RUFY3: variants seen among roughly 807,000 people sequenced by gnomAD.
RUFY3 encodes RUN and FYVE domain containing 3.
RUFY3 carries 34 observed loss-of-function variants against 84.0 expected under a neutral mutation model. That is an observed-to-expected ratio of 0.40 (90% CI 0.31 to 0.54). The LOEUF (loss-of-function observed/expected upper bound fraction) is 0.54, where lower values mean the gene tolerates loss of function less well. Ranked by LOEUF, RUFY3 falls within the 20% of genes least tolerant of loss-of-function variation. RUFY3 has a pLI of 0.39. For synonymous variants in RUFY3, 242 were observed against 252.9 expected, an observed-to-expected ratio of 0.96 and a Z score of 0.41; for missense variants, 507 against 736.8, an observed-to-expected ratio of 0.69 and a Z score of 3.61.
intron 14 of RUFY3, among the ~76,000 whole-genome samples, chr4:70,795,839 AAAAG>A (rs1400364858): frequency 2.0e-5 from 3 of 152,218 alleles, no homozygotes; most frequent in African/African-American, 7.2e-5. Context: ...TTAGGAAACA[AAAAG>A]AAATCAGAGG....
In RUFY3 at chr4:70,722,466, G is replaced by A; in HGVS notation, c.-108G>A. The A allele has an allele frequency of 7.2e-7, 1 of 1,397,398 alleles. No homozygotes were observed. The highest frequency in any genetic ancestry group is 9.4e-7 in the Non-Finnish European group (1 of 1,069,426). The allele number at this position is 1,397,398 out of a possible 1,614,324, so 86.6% of individuals were successfully genotyped here. On this transcript the variant is annotated 5_prime_UTR_variant, in exon 1 of 18. Transcript: ENST00000381006. ...CCCTTTTCCTGAAAGCTTTGTTTCAGAGCTTTGTATTGGGTTTTTTTGGTG... is the reference window on the plus strand; with the variant it reads ...CCCTTTTCCTGAAAGCTTTGTTTCAAAGCTTTGTATTGGGTTTTTTTGGTG...
At chr4:70,750,831 A>G (rs1285154144) in intron 1 of RUFY3, among the ~76,000 whole-genome samples, 1 of 152,158 alleles carries the variant, frequency 6.6e-6, no homozygotes, top group Non-Finnish European at 1.5e-5. Context: ...TATATAAACA[A>G]AAATAAAATA....
At chr4:70,793,697 G>A in intron 12 of RUFY3, 88 bp from the exon 13 acceptor site, 2 of 1,605,094 alleles carry the variant, frequency 1.2e-6, no homozygotes, top group Non-Finnish European at 1.7e-6. Context: ...ATTCTTCCTT[G>A]GGTTATTTTA....
At chr4:70,717,460 T>C (rs1023492850), upstream of RUFY3, among the ~76,000 whole-genome samples, 5 of 152,088 alleles carry the variant, frequency 3.3e-5, no homozygotes, top group African/African-American at 1.2e-4. Flanking sequence ...TTGGGGGGCC[T>C]AGAGGAAGGT....
intron 1 of RUFY3, among the ~76,000 whole-genome samples, chr4:70,743,797 TA>T (rs202153207): frequency 0.01 from 1,541 of 147,540 alleles, 20 homozygotes; most frequent in African/African-American, 0.033. Flanking sequence ...GAAAAGTAGT[TA>T]AAAAAAAAAA....
At chr4:70,801,309 A>G (rs543486038) in intron 15 of RUFY3, among the ~76,000 whole-genome samples, 8 of 152,256 alleles carry the variant, frequency 5.3e-5, no homozygotes, top group African/African-American at 1.9e-4. Context: ...TGACCACACT[A>G]TAGACTAGAC....
intron 1 of RUFY3, among the ~76,000 whole-genome samples, chr4:70,760,893 C>T (rs941499634): frequency 2.6e-5 from 4 of 152,172 alleles, no homozygotes; most frequent in East Asian, 3.8e-4. Context: ...GTTGGAATTG[C>T]AAATCCGTAA....
intron 5 of RUFY3, among the ~76,000 whole-genome samples, chr4:70,770,399 A>C (rs184576160): frequency 2.7e-4 from 41 of 152,298 alleles, no homozygotes; most frequent in Non-Finnish European, 4.6e-4. Context: ...CAATTATCTT[A>C]ATTAGATCTT....
chr4:70,744,448 A>G (rs529972155), intron 1 of RUFY3, among the ~76,000 whole-genome samples: 3 of 151,416 alleles, frequency 2.0e-5, no homozygotes, highest in African/African-American at 4.8e-5. Flanking sequence ...CGATCCTCCC[A>G]CTTCAGCCTC....
chr4:70,705,546 T>A lies in RUFY3; in HGVS notation c.358+252T>A, dbSNP rs374169635. On this transcript the variant is annotated intron_variant, in intron 1 of 11. Coordinates refer to the RUFY3 transcript ENST00000417478. The stretch of plus-strand genomic sequence containing the variant: ...CCCAGGCCGCGGCTCCTGCCTGGCC[T>A]GGTCTCTCTCCCGTCTTGGGCTGGG... Among the ~76,000 whole-genome samples the A allele has an allele frequency of 7.2e-5, 11 of 152,004 alleles. No homozygotes were observed. In the East Asian group the frequency reaches 1.9e-3, roughly 27 times the overall value.
At chr4:70,802,841 C>G in intron 15 of RUFY3, 115 bp from the exon 16 acceptor site, 1 of 677,550 alleles carries the variant, frequency 1.5e-6, no homozygotes, top group Non-Finnish European at 2.5e-6. Flanking sequence ...TATAAAAGAC[C>G]TACAGTATTT....
At chr4:70,780,580 G>A (rs561576507) in intron 8 of RUFY3, among the ~76,000 whole-genome samples, 5 of 152,196 alleles carry the variant, frequency 3.3e-5, no homozygotes, top group Non-Finnish European at 5.9e-5. Context: ...GGCATGAGCC[G>A]CCGTACCCAG....
chr4:70,803,579 G>C (rs896578713), intron 16 of RUFY3, among the ~76,000 whole-genome samples: 2 of 152,050 alleles, frequency 1.3e-5, no homozygotes, highest in East Asian at 3.9e-4. Flanking sequence ...TCTGCCTCCC[G>C]AGTAGCTAGG....
At chr4:70,778,533 C>A in intron 8 of RUFY3, 95 bp downstream of exon 8, 5 of 542,634 alleles carry the variant, frequency 9.2e-6, no homozygotes, top group Non-Finnish European at 1.4e-5. Context: ...AAGAACTTGA[C>A]TTTTCAAATA....
chr4:70,725,387 A>G (rs1265788537), intron 1 of RUFY3, among the ~76,000 whole-genome samples: 5 of 151,138 alleles, frequency 3.3e-5, no homozygotes, highest in Non-Finnish European at 7.4e-5. Context: ...CTGGAGTGCA[A>G]TGGCGCAATC....
chr4:70,787,404 C>T (rs1302133648), intron 10 of RUFY3, among the ~76,000 whole-genome samples: 2 of 150,814 alleles, frequency 1.3e-5, no homozygotes, highest in African/African-American at 2.4e-5. Context: ...ATTACAGGCG[C>T]CTGCCACCAC....
At chr4:70,741,706 G>A (rs1011702969) in intron 1 of RUFY3, 1 of 1,440,964 alleles carries the variant, frequency 6.9e-7, no homozygotes, top group Non-Finnish European at 9.1e-7. Flanking sequence ...ACATCTTTCA[G>A]CTTTTTCTCC....
intron 1 of RUFY3, among the ~76,000 whole-genome samples, chr4:70,752,896 T>A (rs1188867204): frequency 6.6e-6 from 1 of 152,212 alleles, no homozygotes; most frequent in Admixed American, 6.5e-5. Flanking sequence ...TCTGATTTGG[T>A]CTCAAGGTAA....
intron 1 of RUFY3, among the ~76,000 whole-genome samples, chr4:70,730,315 A>C (rs1719028486): frequency 1.3e-5 from 2 of 152,214 alleles, no homozygotes; most frequent in Admixed American, 6.5e-5. Context: ...GCAATAAAAT[A>C]TACATCTGGC....
Sources: allele counts gnomAD v4.1 joint callset (sites outside exome capture counted in the v4.1 genomes callset), GRCh38; gene constraint gnomAD v4.1.1; transcripts MANE v1.5; gene names NCBI Gene and HGNC (gene_info 2026-07-23, HGNC 2026-07-21).